PES1: variants seen among roughly 807,000 people sequenced by gnomAD.
PES1 encodes pescadillo ribosomal biogenesis factor 1, also known as pescadillo homolog.
A neutral mutation model predicts 77.1 loss-of-function variants in PES1; 31 were observed. The ratio of observed to expected loss-of-function variants is 0.40; its 90% CI spans 0.30 to 0.54. The LOEUF is 0.54. PES1 is among the 20% of genes least tolerant of loss of function. The pLI, the probability that PES1 is intolerant of heterozygous loss-of-function variation, is 0.45. For synonymous variants in PES1, 282 were observed against 303.0 expected, an observed-to-expected ratio of 0.93 and a Z score of 0.72; for missense variants, 658 against 771.7, an observed-to-expected ratio of 0.85 and a Z score of 1.75.
rs1335268168 is a variant in PES1, at chr22:30,578,943, T to C, written c.1577A>G (p.Gln526Arg). The change falls in exon 14 of 15, where the codon CAG (glutamine) becomes CGG (arginine). Residue 526 changes from glutamine to arginine, a missense_variant. Coordinates refer to ENST00000354694, the MANE Select transcript of PES1 (RefSeq NM_014303.4). ...LKLEDKQRLA[Q>R]EEESEAKRLA... ...GCGCTTGGCCTCACTCTCCTCCTCC[T>C]GGGCCAGCCGCTGCTTATCCTCCAG... 8.1e-6 allele frequency: 13 copies of C among 1,613,164 alleles called. No homozygotes were observed. The highest frequency in any genetic ancestry group is 1.1e-5 in the Non-Finnish European group (13 of 1,179,986).
intron 2 of PES1, among the ~76,000 whole-genome samples, chr22:30,601,353 C>T (rs928987649): frequency 5.9e-5 from 9 of 152,048 alleles, no homozygotes; most frequent in African/African-American, 1.2e-4. Context: ...CTCAGTCCGT[C>T]GCCCAGGCTG....
intron 2 of PES1, among the ~76,000 whole-genome samples, chr22:30,602,577 G>A (rs1442038015): frequency 1.3e-5 from 2 of 150,982 alleles, no homozygotes; most frequent in African/African-American, 4.9e-5. Flanking sequence ...AAAGATAGGG[G>A]CTCACTATGT....
chr22:30,588,666 C>T (rs2087129831), intron 2 of PES1, among the ~76,000 whole-genome samples: 1 of 152,110 alleles, frequency 6.6e-6, no homozygotes, highest in Non-Finnish European at 1.5e-5. Context: ...AACTGTAATC[C>T]TAGCTACTCG....
intron 4 of PES1, chr22:30,586,943 T>C (rs2087100249): frequency 3.7e-6 from 1 of 267,144 alleles, no homozygotes; most frequent in East Asian, 8.9e-5. Flanking sequence ...GAGAGGTGTC[T>C]AGCCATGCTT....
intron 2 of PES1, among the ~76,000 whole-genome samples, chr22:30,597,214 C>A (rs182762539): frequency 6.6e-6 from 1 of 151,952 alleles, no homozygotes; most frequent in African/African-American, 2.4e-5. Context: ...CCCCAGCGCC[C>A]GGTCACATCA....
Position 30,591,867 on chromosome 22 carries a change from G to C in PES1, c.-34C>G, listed in dbSNP as rs1431194980. 14 of 1,543,970 alleles carry C rather than the reference G, an allele frequency of 9.1e-6. No individual in the cohort carries two copies. The highest frequency in any genetic ancestry group is 1.2e-5 in the Non-Finnish European group (14 of 1,145,510). The stretch of plus-strand genomic sequence containing the variant: ...GTTGAGGAGCCGACTAGGGCCGCGC[G>C]TACAGGGAGCTCCACTTCCTCCCGC... On this transcript the variant is annotated 5_prime_UTR_variant, in exon 1 of 15. Transcript: ENST00000354694.
intron 10 of PES1, 144 bp from the exon 11 acceptor site, chr22:30,580,322 C>G: frequency 1.7e-6 from 2 of 1,144,606 alleles, no homozygotes; most frequent in Non-Finnish European, 2.4e-6. Context: ...CAGGATCCTT[C>G]AATCCTGGCT....
intron 8 of PES1, 32 bp from the exon 9 acceptor site, chr22:30,581,133 G>A: frequency 1.9e-6 from 3 of 1,557,714 alleles, no homozygotes; most frequent in Non-Finnish European, 2.6e-6. Context: ...CTTGCAGTGG[G>A]GGACCTCATG....
At chr22:30,595,405 G>A (rs1430413151), upstream of PES1, among the ~76,000 whole-genome samples, 1 of 151,698 alleles carries the variant, frequency 6.6e-6, no homozygotes, top group Non-Finnish European at 1.5e-5. Context: ...GGGCAAGGTG[G>A]TGCTTGCCTG....
intron 2 of PES1, among the ~76,000 whole-genome samples, chr22:30,602,535 A>G (rs377443690): frequency 8.2e-6 from 1 of 121,364 alleles, no homozygotes; most frequent in Admixed American, 8.6e-5. Context: ...TTTTTCTTTT[A>G]TTTTCTTTTC....
upstream of PES1, among the ~76,000 whole-genome samples, chr22:30,594,116 C>G (rs566001399): frequency 6.6e-6 from 1 of 152,328 alleles, no homozygotes; most frequent in East Asian, 1.9e-4. Flanking sequence ...CTCTAAGCCT[C>G]GGACAAGCCA....
intron 2 of PES1, among the ~76,000 whole-genome samples, chr22:30,597,728 G>A (rs62227033): frequency 0.014 from 2,194 of 151,872 alleles, 22 homozygotes; most frequent in Non-Finnish European, 0.022. Flanking sequence ...TGTCAAAACG[G>A]ACCAATCAGC....
intron 2 of PES1, among the ~76,000 whole-genome samples, chr22:30,600,640 C>T (rs1009048860): frequency 6.6e-6 from 1 of 152,106 alleles, no homozygotes; most frequent in Admixed American, 6.6e-5. Flanking sequence ...CACGGTGAAA[C>T]CCCGTCTCTA....
intron 9 of PES1, 53 bp downstream of exon 9, chr22:30,580,959 C>G (rs555389795): frequency 6.8e-7 from 1 of 1,477,058 alleles, no homozygotes; most frequent in East Asian, 2.3e-5. Context: ...AGCTGGGAAA[C>G]CCCCCACACG....
chr22:30,579,852 T>G lies in PES1; in HGVS notation c.1253A>C (p.Gln418Pro). The G allele has an allele frequency of 6.2e-7, 1 of 1,614,030 alleles. No homozygotes were observed. Among genetic ancestry groups the G allele is most frequent in the Non-Finnish European group, 8.5e-7 (1 of 1,179,976 alleles). Residue 418 changes from glutamine (Q) to proline (P), a missense_variant, in exon 12 of 15, where the codon CAG becomes CCG. Coordinates refer to ENST00000354694, the MANE Select transcript of PES1 (RefSeq NM_014303.4). ...LPVAEYFSGVQLPPHLSPFVT... is the reference protein window; with the variant it reads ...LPVAEYFSGVPLPPHLSPFVT... ...AAAGGGTGAAAGGTGTGGGGGCAGC[T>G]GCACCCCAGAGAAGTACTCTGCCAC...
intron 4 of PES1, chr22:30,585,274 G>A (rs760886222): frequency 4.2e-6 from 2 of 471,322 alleles, no homozygotes. Context: ...CAGGGAATTG[G>A]GTCCAGGAAG....
chr22:30,603,009 C>G (rs2087381362), intron 2 of PES1, among the ~76,000 whole-genome samples: 1 of 151,990 alleles, frequency 6.6e-6, no homozygotes, highest in East Asian at 1.9e-4. Flanking sequence ...CTCCTGGGTT[C>G]AAGCAATTCT....
rs2086953298 is a variant in PES1, at chr22:30,579,761, T to C, written c.1344A>G (p.Gly448=). ...TCCCATCCCGCTCACCTGGGTCCTCTCCCCGCTGCAGAGCCAGCAGCTTCA... is the reference window on the plus strand; with the variant it reads ...TCCCATCCCGCTCACCTGGGTCCTCCCCCCGCTGCAGAGCCAGCAGCTTCA... ...EKLKLLALQR[G]EDPGNLNESE... Residue 448 remains glycine (G), a synonymous_variant, in exon 12 of 15, where the codon GGA becomes GGG. Transcript: ENST00000354694. 1 of 1,613,652 alleles carries C rather than the reference T, an allele frequency of 6.2e-7. No homozygotes were observed. Among genetic ancestry groups the C allele is most frequent in the Non-Finnish European group, 8.5e-7 (1 of 1,179,916 alleles).
At chr22:30,580,451 C>G in intron 10 of PES1, 120 bp downstream of exon 10, 1 of 1,372,196 alleles carries the variant, frequency 7.3e-7, no homozygotes, top group East Asian at 2.3e-5. Flanking sequence ...ACTTTCCACA[C>G]ACTGTTTCAT....
Sources: gnomAD v4.1 joint callset for allele counts (sites outside exome capture counted in the v4.1 genomes callset) on GRCh38, gnomAD v4.1.1 for gene constraint, MANE v1.5 for transcripts, NCBI Gene and HGNC (gene_info 2026-07-23, HGNC 2026-07-21) for gene names.